Variants in SLC6A5 observed in about 807,000 individuals in gnomAD.
The protein encoded by SLC6A5 is solute carrier family 6 member 5, also known as sodium- and chloride-dependent glycine transporter 2.
Under a neutral mutation model 90.5 loss-of-function variants are expected in SLC6A5, and 58 were observed. That is an observed-to-expected ratio of 0.64 (90% CI 0.52 to 0.80). The LOEUF (loss-of-function observed/expected upper bound fraction) is 0.80. Among genes scored for constraint, SLC6A5 ranks in the 30% least tolerant of loss-of-function variants. SLC6A5 has a pLI of 0.00. For synonymous variants in SLC6A5, 427 were observed against 401.4 expected (o/e 1.06, Z -0.76); for missense variants, 1,015 against 1,017.6 (o/e 1.00, Z 0.03).
Position 20,614,771 on chromosome 11 carries a change from A to AC in SLC6A5, c.1080dup (p.Ser361GlnfsTer5). Reference sequence around the variant, plus strand: ...TCCCAACGTGACAATGGTTAATTTCACCAGCCAGGCCAATAAGACATTTGT... The same window carrying AC: ...TCCCAACGTGACAATGGTTAATTTCACCCAGCCAGGCCAATAAGACATTTGT... On this transcript the variant is annotated frameshift_variant, in exon 6 of 16. Coordinates refer to ENST00000525748, the MANE Select transcript of SLC6A5 (RefSeq NM_004211.5). LOFTEE classifies it high-confidence loss of function. 1 of 1,614,042 alleles carries AC rather than the reference A, an allele frequency of 6.2e-7. No individual in the cohort carries two copies. The highest frequency in any genetic ancestry group is 8.5e-7 in the Non-Finnish European group (1 of 1,179,862).
intron 15 of SLC6A5, among the ~76,000 whole-genome samples, chr11:20,653,938 TTAAAC>T (rs1414152322): frequency 1.3e-5 from 2 of 152,250 alleles, no homozygotes; most frequent in African/African-American, 2.4e-5. Flanking sequence ...TAAGGAGAGA[TTAAAC>T]TAACAGCTCT....
At chr11:20,644,773 A>T (rs992819707) in intron 13 of SLC6A5, among the ~76,000 whole-genome samples, 1 of 152,068 alleles carries the variant, frequency 6.6e-6, no homozygotes, top group African/African-American at 2.4e-5. Flanking sequence ...CACCCAAATC[A>T]AGATATAGAA....
rs113312958 is a variant in SLC6A5, at chr11:20,613,908, T to C, written c.986-771T>C. Reference sequence around the variant, plus strand: ...TATTAGCATCCCTGGCCTCTACTTATTAGACACCAGTAAGCACCAGGTCCC... The same window carrying C: ...TATTAGCATCCCTGGCCTCTACTTACTAGACACCAGTAAGCACCAGGTCCC... On this transcript the variant is annotated intron_variant, in intron 5 of 15. Transcript: ENST00000525748. Among the ~76,000 whole-genome samples, 216 of 152,236 alleles carry C rather than the reference T, an allele frequency of 1.4e-3. 1 individual carries two copies. Among genetic ancestry groups the C allele is most frequent in the African/African-American group, 5.0e-3 (209 of 41,522 alleles).
At chr11:20,646,323 TATC>T (rs1325883042) in intron 13 of SLC6A5, among the ~76,000 whole-genome samples, 1 of 152,200 alleles carries the variant, frequency 6.6e-6, no homozygotes, top group African/African-American at 2.4e-5. Flanking sequence ...TGTGTGCTAT[TATC>T]ATCTTGCACG....
intron 15 of SLC6A5, among the ~76,000 whole-genome samples, chr11:20,652,887 C>T (rs942249719): frequency 6.6e-6 from 1 of 152,198 alleles, no homozygotes; most frequent in Non-Finnish European, 1.5e-5. Flanking sequence ...ATCACTACCC[C>T]CTCCTGTTGT....
rs1853042909 is a variant in SLC6A5, at chr11:20,628,338, G to T, written c.1499+255G>T. 2.0e-5 allele frequency among the ~76,000 whole-genome samples: 3 copies of T among 152,338 alleles called. No individual in the cohort carries two copies. The South Asian group carries it at 6.2e-4, about 32-fold the overall frequency. ...TTACAGGATGGAAGCAAGTTTGTCT[G>T]CAGGTCACTGTGCAGTTGGCTGTGT... On this transcript the variant is annotated intron_variant, in intron 9 of 15. Coordinates refer to ENST00000525748, the MANE Select transcript of SLC6A5 (RefSeq NM_004211.5).
chr11:20,618,945 G>GACACACACACACACACACACACACAC (rs68111718), intron 7 of SLC6A5, among the ~76,000 whole-genome samples: 3 of 148,662 alleles, frequency 2.0e-5, no homozygotes, highest in Non-Finnish European at 3.0e-5. Flanking sequence ...TGTCCCGCCC[G>GACACACACACACACACACACACACAC]ACACACACAC....
chr11:20,639,994 C>CAA (rs1286464856), intron 13 of SLC6A5, among the ~76,000 whole-genome samples: 1 of 152,196 alleles, frequency 6.6e-6, no homozygotes, highest in Non-Finnish European at 1.5e-5. Flanking sequence ...GGTGAGGCTT[C>CAA]AAAGTGCTTT....
intron 3 of SLC6A5, 131 bp downstream of exon 3, chr11:20,604,555 C>A: frequency 8.8e-7 from 1 of 1,136,230 alleles, no homozygotes. Flanking sequence ...TCCAGCCCTA[C>A]ACCTCGTAGG....
Position 20,646,831 on chromosome 11 carries a change from C to T in SLC6A5, c.1970-3C>T, listed in dbSNP as rs1458905620. ...TACCTGTTCTCTGCTTGTCTATTTGCAGGCTTGCAAAGATTCTGTGAAGAT... is the reference window on the plus strand; with the variant it reads ...TACCTGTTCTCTGCTTGTCTATTTGTAGGCTTGCAAAGATTCTGTGAAGAT... On this transcript the variant is annotated splice_polypyrimidine_tract_variant and splice_region_variant and intron_variant, in intron 13 of 15. Coordinates refer to ENST00000525748, the MANE Select transcript of SLC6A5 (RefSeq NM_004211.5). 6.2e-7 allele frequency: 1 copy of T among 1,605,902 alleles called. No individual in the cohort carries two copies. The highest frequency in any genetic ancestry group is 8.5e-7 in the Non-Finnish European group (1 of 1,172,812).
At chr11:20,630,455 G>A (rs1853086923) in intron 9 of SLC6A5, among the ~76,000 whole-genome samples, 1 of 152,242 alleles carries the variant, frequency 6.6e-6, no homozygotes, top group Non-Finnish European at 1.5e-5. Context: ...TATATAGATC[G>A]TGGAGTCAGA....
Position 20,636,291 on chromosome 11 carries a change from G to A in SLC6A5, c.1625-16G>A. ...GAGTAGGGCCTGCCTGCAATCATCT[G>A]TCTTGTTCCTTCCAGGGCCAGGCAT... On this transcript the variant is annotated splice_polypyrimidine_tract_variant and intron_variant, in intron 10 of 15. Transcript: ENST00000525748. 4 of 1,557,870 alleles carry A rather than the reference G, an allele frequency of 2.6e-6. No individual in the cohort carries two copies. In the South Asian group the frequency reaches 3.3e-5, roughly 13 times the overall value.
chr11:20,630,867 C>A, intron 10 of SLC6A5, 52 bp downstream of exon 10: 1 of 1,603,652 alleles, frequency 6.2e-7, no homozygotes, highest in Non-Finnish European at 8.5e-7. Flanking sequence ...AGGCTCATGT[C>A]ACAAGCTCCT....
At chr11:20,639,325 G>A (rs891575452) in intron 13 of SLC6A5, among the ~76,000 whole-genome samples, 1 of 152,082 alleles carries the variant, frequency 6.6e-6, no homozygotes, top group African/African-American at 2.4e-5. Context: ...GAACTGTCCT[G>A]AGGCCTCACT....
intron 5 of SLC6A5, among the ~76,000 whole-genome samples, chr11:20,609,168 T>G (rs1852647564): frequency 6.6e-6 from 1 of 152,194 alleles, no homozygotes; most frequent in East Asian, 1.9e-4. Flanking sequence ...ATTAAAATGA[T>G]GCAAGCTCTG....
chr11:20,634,279 T>C (rs1853162733), intron 10 of SLC6A5, among the ~76,000 whole-genome samples: 1 of 152,204 alleles, frequency 6.6e-6, no homozygotes, highest in African/African-American at 2.4e-5. Context: ...AGACTGGCCA[T>C]ATACTCTTTT....
chr11:20,626,903 C>G (rs1853008089), intron 8 of SLC6A5, 61 bp downstream of exon 8: 2 of 1,438,866 alleles, frequency 1.4e-6, no homozygotes, highest in Non-Finnish European at 9.8e-7. Flanking sequence ...GAGGCTTGGG[C>G]AAAAAGGGTT....
At chr11:20,622,143 ATG>A (rs770976074) in intron 7 of SLC6A5, among the ~76,000 whole-genome samples, 1 of 152,186 alleles carries the variant, frequency 6.6e-6, no homozygotes, top group Non-Finnish European at 1.5e-5. Context: ...TGACAATACA[ATG>A]TGGAAACAGG....
intron 10 of SLC6A5, among the ~76,000 whole-genome samples, chr11:20,635,406 C>T (rs959513625): frequency 6.6e-6 from 1 of 152,022 alleles, no homozygotes; most frequent in Non-Finnish European, 1.5e-5. Flanking sequence ...GCGCCGCCCC[C>T]CCGCAACCCG....
Sources: allele counts gnomAD v4.1 joint callset (sites outside exome capture counted in the v4.1 genomes callset), GRCh38; gene constraint gnomAD v4.1.1; transcripts MANE v1.5; gene names NCBI Gene and HGNC (gene_info 2026-07-23, HGNC 2026-07-21).